Variants in FZD3 observed in about 807,000 individuals in gnomAD.
FZD3 encodes the protein frizzled-3.
FZD3 carries 30 observed loss-of-function variants against 60.7 expected under a neutral mutation model. The ratio of observed to expected loss-of-function variants is 0.49; its 90% CI spans 0.37 to 0.67. The LOEUF (loss-of-function observed/expected upper bound fraction) is 0.67, where lower values mean the gene tolerates loss of function less well. Among genes scored for constraint, FZD3 ranks in the 30% least tolerant of loss-of-function variants. The pLI is 0.00. For missense variants in FZD3, 605 were observed against 838.7 expected (o/e 0.72, Z 3.44); for synonymous variants, 246 against 275.2 (o/e 0.89, Z 1.05).
At chr8:28,550,437 G>GTTTT (rs1554539571) in intron 5 of FZD3, among the ~76,000 whole-genome samples, 6 of 79,582 alleles carry the variant, frequency 7.5e-5, no homozygotes, top group African/African-American at 2.6e-4. Context: ...TAGTTCTGCT[G>GTTTT]TTTTTTTTTT....
chr8:28,509,996 G>T (rs1370152789), intron 3 of FZD3, among the ~76,000 whole-genome samples: 1 of 152,158 alleles, frequency 6.6e-6, no homozygotes, highest in East Asian at 1.9e-4. Context: ...TTAATTTTTT[G>T]AAGAACTGTC....
intron 7 of FZD3, among the ~76,000 whole-genome samples, chr8:28,556,834 A>C (rs747061038): frequency 6.6e-6 from 1 of 152,224 alleles, no homozygotes; most frequent in Admixed American, 6.5e-5. Flanking sequence ...GGAGGGAGTG[A>C]TTAATTCTGG....
intron 3 of FZD3, among the ~76,000 whole-genome samples, chr8:28,511,265 A>C (rs181261611): frequency 3.3e-5 from 5 of 152,194 alleles, no homozygotes; most frequent in Non-Finnish European, 7.4e-5. Flanking sequence ...AGGCAGGCGG[A>C]TCACGAGGTC....
intron 7 of FZD3, among the ~76,000 whole-genome samples, chr8:28,558,436 ATT>A (rs34004990): frequency 0.58 from 86,046 of 147,238 alleles, 25,081 homozygotes; most frequent in East Asian, 0.65. Flanking sequence ...TTATTTATTT[ATT>A]TTTTTTTTTT....
Position 28,527,660 on chromosome 8 carries a change from C to T in FZD3, c.900C>T (p.Gly300=), listed in dbSNP as rs1244004494. 1 of 1,614,026 alleles carries T rather than the reference C, an allele frequency of 6.2e-7. No homozygotes were observed. Among genetic ancestry groups the T allele is most frequent in the Admixed American group, 1.7e-5 (1 of 59,984 alleles). The change falls in exon 5 of 8, where the codon GGC becomes GGT. Residue 300 remains glycine, a synonymous_variant. Transcript: ENST00000240093. The surrounding 1 kb of genome is among the most constrained non-coding windows in gnomAD (Gnocchi z 5.0). The part of the protein sequence containing the change: ...FMILYFFTMA[G]SVWWVILTIT... ...TACTCTATTTTTTTACTATGGCTGG[C>T]AGTGTATGGTGGGTAATTCTTACCA...
At position 28,563,188 on chromosome 8, in the gene FZD3, G is replaced by T; in HGVS notation, c.*177G>T. ...TATTGCATCAAACTTGGAACATCAA[G>T]GCATCCAAAACACTAAGAATTCTAT... On this transcript the variant is annotated 3_prime_UTR_variant, in exon 8 of 8. Transcript: ENST00000240093. 1 of 579,652 alleles carries T rather than the reference G, an allele frequency of 1.7e-6. No homozygotes were observed. The highest frequency in any genetic ancestry group is 3.1e-6 in the Non-Finnish European group (1 of 321,874). 35.9% of individuals were successfully genotyped at this position (579,652 alleles called of 1,614,324 possible). A position where few individuals can be genotyped will look rare whatever the true frequency, so the allele number is the denominator to read the frequency against.
At chr8:28,530,140 T>C (rs1009822975) in intron 5 of FZD3, among the ~76,000 whole-genome samples, 1 of 116,954 alleles carries the variant, frequency 8.6e-6, no homozygotes, top group Non-Finnish European at 1.8e-5. Context: ...TGTGTGTGTG[T>C]GTTGGGGGGG....
chr8:28,540,519 C>T (rs564277516), intron 5 of FZD3, among the ~76,000 whole-genome samples: 1 of 152,198 alleles, frequency 6.6e-6, no homozygotes, highest in East Asian at 1.9e-4. Context: ...AAGTTTTTTC[C>T]AATTGCAAAT....
chr8:28,538,270 C>G (rs548397691), intron 5 of FZD3, among the ~76,000 whole-genome samples: 1 of 151,938 alleles, frequency 6.6e-6, no homozygotes, highest in African/African-American at 2.4e-5. Flanking sequence ...CATTACCATA[C>G]CAATTTAAGG....
intron 3 of FZD3, among the ~76,000 whole-genome samples, chr8:28,506,189 A>G (rs1804136057): frequency 6.6e-6 from 1 of 152,226 alleles, no homozygotes; most frequent in Non-Finnish European, 1.5e-5. Flanking sequence ...CTCTAGTGGT[A>G]ATAAAAGAGA....
chr8:28,559,982 G>C (rs751791357), intron 7 of FZD3, among the ~76,000 whole-genome samples: 3 of 152,188 alleles, frequency 2.0e-5, no homozygotes, highest in Non-Finnish European at 2.9e-5. Context: ...ATAAGTAATT[G>C]GTGGTTAGAT....
Position 28,572,717 on chromosome 8 carries a change from A to G in FZD3, c.*9706A>G, listed in dbSNP as rs1411473595. 6.6e-6 allele frequency: 1 copy of G among 152,152 alleles called. No individual in the cohort carries two copies. The highest frequency in any genetic ancestry group is 1.5e-5 in the Non-Finnish European group (1 of 67,992). The allele number at this position is 152,152 out of a possible 1,614,324, so 9.4% of individuals were successfully genotyped here. ...CTGGAATGTTATCCTCTTGGTAGGC[A>G]TTCTAAATTAATGAATACTGCTATG... On this transcript the variant is annotated 3_prime_UTR_variant, in exon 8 of 8. Coordinates refer to ENST00000240093, the MANE Select transcript of FZD3 (RefSeq NM_017412.4).
At position 28,555,878 on chromosome 8, in the gene FZD3, T is replaced by G; in HGVS notation, c.1694T>G (p.Leu565Arg). ...TCCACCCATGCTTCTTCAACTCAGC[T>G]GGCTATGGTGGATGATCAAAGAAGC... ...GTSTHASSTQLAMVDDQRSKA... is the reference protein window; with the variant it reads ...GTSTHASSTQRAMVDDQRSKA... Residue 565 changes from leucine to arginine, a missense_variant, in exon 7 of 8, where the codon CTG becomes CGG. Leu to Arg is a moderately radical substitution (Grantham distance 102). Coordinates refer to ENST00000240093, the MANE Select transcript of FZD3 (RefSeq NM_017412.4). 1 of 1,613,990 alleles carries G rather than the reference T, an allele frequency of 6.2e-7. No individual in the cohort carries two copies. The highest frequency in any genetic ancestry group is 1.1e-5 in the South Asian group (1 of 91,070).
intron 1 of FZD3, among the ~76,000 whole-genome samples, chr8:28,498,576 TTTTTA>T (rs986898230): frequency 1.3e-5 from 2 of 152,200 alleles, no homozygotes; most frequent in East Asian, 1.9e-4. Context: ...AGTTTTTATT[TTTTTA>T]TTTTATTTAA....
intron 5 of FZD3, 82 bp from the exon 6 acceptor site, chr8:28,551,516 CAAAAG>C (rs1805410580): frequency 9.3e-7 from 1 of 1,075,762 alleles, no homozygotes; most frequent in Non-Finnish European, 1.4e-6. Context: ...AACTCTGTCT[CAAAAG>C]AAAAAGAAAA....
chr8:28,500,033 T>C (rs1341383620), intron 2 of FZD3, 55 bp downstream of exon 2: 1 of 152,214 alleles, frequency 6.6e-6, no homozygotes, highest in Non-Finnish European at 1.5e-5. Flanking sequence ...GGGGAATCCA[T>C]GAATCTGCTA....
chr8:28,512,899 A>G (rs1299183047), intron 3 of FZD3, among the ~76,000 whole-genome samples: 1 of 152,190 alleles, frequency 6.6e-6, no homozygotes, highest in Non-Finnish European at 1.5e-5. Flanking sequence ...CATTTTATGG[A>G]TAGGCTTTTT....
intron 5 of FZD3, among the ~76,000 whole-genome samples, chr8:28,546,965 G>A (rs1250575700): frequency 4.1e-5 from 6 of 145,656 alleles, no homozygotes; most frequent in Admixed American, 6.9e-5. Flanking sequence ...GCGAGACTCC[G>A]TCTCAAAAAA....
intron 5 of FZD3, among the ~76,000 whole-genome samples, chr8:28,543,645 T>C (rs1805226093): frequency 6.6e-6 from 1 of 152,032 alleles, no homozygotes. Flanking sequence ...CCTCCCAAAG[T>C]GCTGGGATTA....
Sources: gnomAD v4.1 joint callset for allele counts (sites outside exome capture counted in the v4.1 genomes callset) on GRCh38, gnomAD v4.1.1 for gene constraint, Gnocchi (gnomAD v3.1) non-coding constraint, MANE v1.5 for transcripts, NCBI Gene and HGNC (gene_info 2026-07-23, HGNC 2026-07-21) for gene names.